CC2D2A: variants seen among roughly 807,000 people sequenced by gnomAD.
The protein encoded by CC2D2A is coiled-coil and C2 domain containing 2A.
Under a neutral mutation model 212.9 loss-of-function variants are expected in CC2D2A, and 155 were observed. The observed-to-expected ratio is 0.73, with a 90% CI of 0.64 to 0.83. The LOEUF (loss-of-function observed/expected upper bound fraction) is 0.83. Ranked by LOEUF, CC2D2A falls within the 40% of genes least tolerant of loss-of-function variation. The pLI is 0.00. For synonymous variants in CC2D2A, 667 were observed against 686.5 expected (o/e 0.97, Z 0.44); for missense variants, 1,856 against 1,956.2 (o/e 0.95, Z 0.97).
At chr4:15,502,343 G>A (rs1715999918) in intron 4 of CC2D2A, 86 bp from the exon 5 acceptor site, 1 of 1,007,248 alleles carries the variant, frequency 9.9e-7, no homozygotes. Flanking sequence ...CCTTTTGGGG[G>A]GAGGGAATTG....
intron 35 of CC2D2A, among the ~76,000 whole-genome samples, chr4:15,598,695 A>AAAATTAATC (rs1477142530): frequency 6.6e-6 from 1 of 152,192 alleles, no homozygotes; most frequent in Non-Finnish European, 1.5e-5. Flanking sequence ...AATTTAGAAA[A>AAAATTAATC]AAATTAATCA....
At chr4:15,490,667 T>G (rs956356037) in intron 4 of CC2D2A, among the ~76,000 whole-genome samples, 1 of 152,158 alleles carries the variant, frequency 6.6e-6, no homozygotes, top group Non-Finnish European at 1.5e-5. Context: ...GGATTCCTAG[T>G]GGTAGTAAGG....
chr4:15,519,421 C>G (rs1391938433), intron 11 of CC2D2A: 2 of 409,322 alleles, frequency 4.9e-6, no homozygotes, highest in Non-Finnish European at 9.7e-6. Flanking sequence ...ATTTTCCTGT[C>G]TTCTTCTGAG....
chr4:15,587,908 G>A lies in CC2D2A; in HGVS notation c.4158G>A (p.Leu1386=). 1 of 1,609,464 alleles carries A rather than the reference G, an allele frequency of 6.2e-7. No homozygotes were observed. The highest frequency in any genetic ancestry group is 8.5e-7 in the Non-Finnish European group (1 of 1,176,004). The change falls in exon 32 of 37, where the codon TTG becomes TTA. Residue 1386 remains leucine, a synonymous_variant. Transcript: ENST00000424120. ...FLSLGKKAWL[L]MGNAIPEGPT... ...CTCTGGGTAAGAAGGCCTGGCTGTT[G>A]ATGGGCAATGCTATTCCTGAGGTAA...
chr4:15,553,222 G>GT lies in CC2D2A; in HGVS notation c.2404dup (p.Ser802PhefsTer3). On this transcript the variant is annotated frameshift_variant, in exon 19 of 37. Transcript: ENST00000424120. LOFTEE classifies it high-confidence loss of function. ...TGACTCTGATGACCTCAGGGAAAGT[G>GT]TCTCATAGTGTGGCATGGGCCATTG... The GT allele has an allele frequency of 1.2e-6, 2 of 1,612,914 alleles. No homozygotes were observed. Among genetic ancestry groups the GT allele is most frequent in the Non-Finnish European group, 8.5e-7 (1 of 1,179,484 alleles).
chr4:15,592,785 G>C (rs1721168446), intron 33 of CC2D2A, among the ~76,000 whole-genome samples: 1 of 152,090 alleles, frequency 6.6e-6, no homozygotes, highest in South Asian at 2.1e-4. Context: ...CCTTTGTCTT[G>C]AATTTTCAGC....
intron 4 of CC2D2A, among the ~76,000 whole-genome samples, chr4:15,493,770 T>C (rs1715451395): frequency 6.6e-6 from 1 of 152,190 alleles, no homozygotes; most frequent in African/African-American, 2.4e-5. Context: ...CTATCCCTAG[T>C]ACCTTGAACA....
chr4:15,516,528 T>C lies in CC2D2A; in HGVS notation c.1018-97T>C, dbSNP rs1026746113. The C allele has an allele frequency of 4.9e-6, 6 of 1,230,588 alleles. No homozygotes were observed. In the African/African-American group the frequency reaches 6.0e-5, roughly 12 times the overall value. 76.2% of individuals were successfully genotyped at this position (1,230,588 alleles called of 1,614,324 possible). A position where few individuals can be genotyped will look rare whatever the true frequency, so the allele number is the denominator to read the frequency against. On this transcript the variant is annotated intron_variant, in intron 10 of 36. Coordinates refer to ENST00000424120, the MANE Select transcript of CC2D2A (RefSeq NM_001378615.1). ...GGGGAGGAAGTACATGAAATATATA[T>C]GTTGACACAGAATTTTCAAGAAATG...
At chr4:15,510,857 G>T (rs1716533132) in intron 7 of CC2D2A, among the ~76,000 whole-genome samples, 1 of 152,092 alleles carries the variant, frequency 6.6e-6, no homozygotes, top group Non-Finnish European at 1.5e-5. Context: ...ACAAAAAAAG[G>T]TCATTTGTTT....
At chr4:15,527,844 A>C (rs973186066) in intron 12 of CC2D2A, among the ~76,000 whole-genome samples, 188 bp downstream of exon 12, 3 of 152,236 alleles carry the variant, frequency 2.0e-5, no homozygotes, top group South Asian at 4.1e-4. Flanking sequence ...TGTGATGTGT[A>C]CAAATTTATT....
In CC2D2A at chr4:15,548,811, C is replaced by A. The variant is rs180970398; in HGVS notation, c.2182-2013C>A. 2.4e-3 allele frequency among the ~76,000 whole-genome samples: 360 copies of A among 151,880 alleles called. 3 individuals carry two copies. The highest frequency in any genetic ancestry group is 3.4e-3 in the Middle Eastern group (1 of 292). ...CTCCTTGTCCCATCAGAGTTGTGAA[C>A]CAATAAAAATATAGAGAACATTTTT... On this transcript the variant is annotated intron_variant, in intron 17 of 36. Coordinates refer to ENST00000424120, the MANE Select transcript of CC2D2A (RefSeq NM_001378615.1).
chr4:15,537,971 G>A lies in CC2D2A; in HGVS notation c.1837G>A (p.Glu613Lys), dbSNP rs201439617. Residue 613 changes from glutamate (E) to lysine (K), a missense_variant, in exon 16 of 37, where the codon GAG (glutamate) becomes AAG (lysine). Coordinates refer to ENST00000424120, the MANE Select transcript of CC2D2A (RefSeq NM_001378615.1). ...TGATGAGATTGCAGAGCCGTATCCCGAGGAGGACCTTGTGAAGCCCAGCCC... is the reference window on the plus strand; with the variant it reads ...TGATGAGATTGCAGAGCCGTATCCCAAGGAGGACCTTGTGAAGCCCAGCCC... Reference protein sequence around the residue: ...PGDEIAEPYPEEDLVKPSPPE... With the variant: ...PGDEIAEPYPKEDLVKPSPPE... 165 of 1,610,494 alleles carry A rather than the reference G, an allele frequency of 1.0e-4. No homozygotes were observed. The Middle Eastern group carries it at 2.1e-3, about 21-fold the overall frequency.
chr4:15,553,736 C>T (rs1719125908), intron 19 of CC2D2A, among the ~76,000 whole-genome samples: 1 of 152,166 alleles, frequency 6.6e-6, no homozygotes, highest in African/African-American at 2.4e-5. Context: ...TCGCTATATC[C>T]TTGAGTCTCT....
rs1356846633 is a variant in CC2D2A, at chr4:15,516,695, GGCC to G, written c.1092_1094del (p.Pro365del). ...AACCCCATCAAGCCATTTCCTTCAA[GGCC>G]GCCAGTACTAACACAGGAGCAGAGC... On this transcript the variant is annotated inframe_deletion, in exon 11 of 37. Coordinates refer to ENST00000424120, the MANE Select transcript of CC2D2A (RefSeq NM_001378615.1). 6.8e-6 allele frequency: 11 copies of G among 1,613,408 alleles called. No individual in the cohort carries two copies. The highest frequency in any genetic ancestry group is 8.5e-6 in the Non-Finnish European group (10 of 1,179,650).
At position 15,475,962 on chromosome 4, in the gene CC2D2A, A is replaced by C; in HGVS notation, c.30A>C (p.Ile10=). The C allele has an allele frequency of 6.3e-7, 1 of 1,590,668 alleles. No individual in the cohort carries two copies. Among genetic ancestry groups the C allele is most frequent in the African/African-American group, 1.3e-5 (1 of 74,606 alleles). ...ATCCCAGGGAAGAAAAAGTAAAAATAATTACAGAGGTAAGTGGCCACTTTG... is the reference window on the plus strand; with the variant it reads ...ATCCCAGGGAAGAAAAAGTAAAAATCATTACAGAGGTAAGTGGCCACTTTG... MNPREEKVK[I]ITEEFIENDE... Residue 10 remains isoleucine (I), a synonymous_variant, in exon 2 of 37, where the codon ATA becomes ATC. Coordinates refer to ENST00000424120, the MANE Select transcript of CC2D2A (RefSeq NM_001378615.1).
At chr4:15,548,923 A>T (rs1451516392) in intron 17 of CC2D2A, among the ~76,000 whole-genome samples, 1 of 152,242 alleles carries the variant, frequency 6.6e-6, no homozygotes, top group African/African-American at 2.4e-5. Context: ...TTTGATCCTG[A>T]TTCAAACAAA....
rs750868948 is a variant in CC2D2A at position 15,536,944 on chromosome 4, TGAA to T, written c.1637_1639del (p.Glu546del). On this transcript the variant is annotated inframe_deletion, in exon 15 of 37. Coordinates refer to ENST00000424120, the MANE Select transcript of CC2D2A (RefSeq NM_001378615.1). ...GGGAAAAAGCTGACCAGAAAGCAGA[TGAA>T]GAAGCATATGAAGCAGAAATTCAAG... 2 of 1,613,692 alleles carry T rather than the reference TGAA, an allele frequency of 1.2e-6. No homozygotes were observed. Among genetic ancestry groups the T allele is most frequent in the African/African-American group, 2.7e-5 (2 of 74,916 alleles).
At chr4:15,509,277 C>CT (rs34725428) in intron 6 of CC2D2A, among the ~76,000 whole-genome samples, 71,866 of 145,198 alleles carry the variant, frequency 0.49, 18,474 homozygotes, top group East Asian at 0.76. Flanking sequence ...TGAGATAACA[C>CT]TTTTTTTTTT....
At chr4:15,510,738 T>G (rs545937207) in intron 7 of CC2D2A, among the ~76,000 whole-genome samples, 1 of 151,970 alleles carries the variant, frequency 6.6e-6, no homozygotes, top group Non-Finnish European at 1.5e-5. Flanking sequence ...GATGAGGGAG[T>G]GCATGGAAAG....
Sources: allele counts gnomAD v4.1 joint callset (sites outside exome capture counted in the v4.1 genomes callset), GRCh38; gene constraint gnomAD v4.1.1; transcripts MANE v1.5; gene names NCBI Gene and HGNC (gene_info 2026-07-23, HGNC 2026-07-21).